Variants in ACTL8 observed in about 807,000 individuals in gnomAD.
ACTL8 encodes the protein actin like 8, also known as actin-like protein 8.
ACTL8 carries 3 observed loss-of-function variants against 9.3 expected under a neutral mutation model. That is an observed-to-expected ratio of 0.32 (90% confidence interval 0.15 to 0.83). The LOEUF (loss-of-function observed/expected upper bound fraction) is 0.83. Ranked by LOEUF, ACTL8 falls within the 40% of genes least tolerant of loss-of-function variation. The pLI, the probability that ACTL8 is intolerant of heterozygous loss-of-function variation, is 0.57. For synonymous variants in ACTL8, 224 were observed against 205.9 expected (o/e 1.09, Z -0.75); for missense variants, 381 against 492.2 (o/e 0.77, Z 2.14).
intron 1 of ACTL8, among the ~76,000 whole-genome samples, chr1:17,780,071 G>A (rs563419334): frequency 4.6e-5 from 7 of 152,124 alleles, no homozygotes; most frequent in Admixed American, 3.3e-4. Context: ...ACTGGTTGTA[G>A]TGGTGTGCAC....
chr1:17,788,708 AG>A (rs932911813), intron 1 of ACTL8, among the ~76,000 whole-genome samples: 1 of 152,214 alleles, frequency 6.6e-6, no homozygotes, highest in Non-Finnish European at 1.5e-5. Flanking sequence ...CCATAGGAAG[AG>A]GTGGGCACAG....
intron 1 of ACTL8, among the ~76,000 whole-genome samples, chr1:17,801,028 A>G (rs1557440835): frequency 1.3e-5 from 2 of 152,248 alleles, no homozygotes; most frequent in South Asian, 4.1e-4. Context: ...AAGTAAATAC[A>G]TGTTAAATTT....
At position 17,826,768 on chromosome 1, in the gene ACTL8, A is replaced by G. The variant is rs1238885819; in HGVS notation, c.*249A>G. On this transcript the variant is annotated 3_prime_UTR_variant, in exon 3 of 3. Transcript: ENST00000375406. The surrounding 1 kb of genome is among the most constrained non-coding windows in gnomAD (Gnocchi z 4.5). Reference sequence around the variant, plus strand: ...GGGGACAGTTTTTCCAGGGTGGCCTATCATTGGGGTATGAGTGGCTGACTG... The same window carrying G: ...GGGGACAGTTTTTCCAGGGTGGCCTGTCATTGGGGTATGAGTGGCTGACTG... 3 of 353,666 alleles carry G rather than the reference A, an allele frequency of 8.5e-6. No homozygotes were observed. Among genetic ancestry groups the G allele is most frequent in the African/African-American group, 6.2e-5 (3 of 48,416 alleles). The allele number at this position is 353,666 out of a possible 1,614,324, so 21.9% of individuals were successfully genotyped here. A position where few individuals can be genotyped will look rare whatever the true frequency, so the allele number is the denominator to read the frequency against.
At chr1:17,773,709 C>T (rs1175536397) in intron 1 of ACTL8, among the ~76,000 whole-genome samples, 1 of 152,186 alleles carries the variant, frequency 6.6e-6, no homozygotes, top group Non-Finnish European at 1.5e-5. Context: ...CATTCGTGAC[C>T]TTTCTGTGCC....
intron 1 of ACTL8, among the ~76,000 whole-genome samples, chr1:17,766,662 G>A (rs919630902): frequency 6.6e-6 from 1 of 152,122 alleles, no homozygotes; most frequent in African/African-American, 2.4e-5. Flanking sequence ...CTTTACAGAT[G>A]AGGAAACTGA....
At chr1:17,822,289 C>T (rs6679624) in intron 1 of ACTL8, among the ~76,000 whole-genome samples, 3,798 of 152,216 alleles carry the variant, frequency 0.025, 177 homozygotes, top group African/African-American at 0.088. Context: ...GTAAAGTGGA[C>T]GTCACCTGCC....
Position 17,802,062 on chromosome 1 carries a change from C to G in ACTL8, c.-24-20923C>G, listed in dbSNP as rs377411674. 9.9e-5 allele frequency among the ~76,000 whole-genome samples: 15 copies of G among 152,284 alleles called. No homozygotes were observed. In the South Asian group the frequency reaches 2.9e-3, roughly 29 times the overall value. On this transcript the variant is annotated intron_variant, in intron 1 of 2. Transcript: ENST00000375406. Reference sequence around the variant, plus strand: ...TCCCAATGAGGAGCATGAAGAGAAACAAGAAAATGGATGCCCTGCATTTCT... The same window carrying G: ...TCCCAATGAGGAGCATGAAGAGAAAGAAGAAAATGGATGCCCTGCATTTCT...
intron 1 of ACTL8, among the ~76,000 whole-genome samples, chr1:17,811,137 A>G (rs773847780): frequency 6.6e-6 from 1 of 152,210 alleles, no homozygotes; most frequent in Non-Finnish European, 1.5e-5. Flanking sequence ...CATCCTTGTT[A>G]GCTCTTGGTA....
chr1:17,794,610 G>C (rs548859241), intron 1 of ACTL8, among the ~76,000 whole-genome samples: 1 of 151,554 alleles, frequency 6.6e-6, no homozygotes, highest in Non-Finnish European at 1.5e-5. Context: ...GGCCTCCCTG[G>C]TCTCATCTTA....
At chr1:17,779,802 T>C (rs183137048) in intron 1 of ACTL8, among the ~76,000 whole-genome samples, 4 of 152,306 alleles carry the variant, frequency 2.6e-5, no homozygotes, top group Middle Eastern at 3.4e-3. Context: ...CTTTATAGGC[T>C]AAAATGTCTC....
At chr1:17,799,910 G>A (rs991748814) in intron 1 of ACTL8, among the ~76,000 whole-genome samples, 1 of 151,706 alleles carries the variant, frequency 6.6e-6, no homozygotes, top group African/African-American at 2.4e-5. Flanking sequence ...TCACACACAG[G>A]AGGTTCTATT....
Position 17,823,419 on chromosome 1 carries a change from C to A in ACTL8, c.348+63C>A. On this transcript the variant is annotated intron_variant, in intron 2 of 2. Transcript: ENST00000375406. This position sits in a 1 kb window ranked among gnomAD's most constrained non-coding sequence, Gnocchi z 5.3. ...GAAACAGACTGACACTATGTCTGGA[C>A]TGATTGGGCACCAGGAATTCTGCTT... 2 of 1,446,734 alleles carry A rather than the reference C, an allele frequency of 1.4e-6. No homozygotes were observed. Among genetic ancestry groups the A allele is most frequent in the Non-Finnish European group, 9.4e-7 (1 of 1,069,248 alleles). The allele number at this position is 1,446,734 out of a possible 1,614,324, so 89.6% of individuals were successfully genotyped here.
At chr1:17,798,106 T>C (rs1441356287) in intron 1 of ACTL8, among the ~76,000 whole-genome samples, 1 of 145,264 alleles carries the variant, frequency 6.9e-6, no homozygotes, top group African/African-American at 2.6e-5. Flanking sequence ...TCCTAGGATC[T>C]CAAGGAATTA....
chr1:17,756,464 G>A (rs907454485), intron 1 of ACTL8, among the ~76,000 whole-genome samples: 1 of 152,118 alleles, frequency 6.6e-6, no homozygotes, highest in Non-Finnish European at 1.5e-5. Context: ...GTGGGTTGTG[G>A]TTGCTCCTTG....
chr1:17,816,534 T>A (rs115467934), intron 1 of ACTL8, among the ~76,000 whole-genome samples: 3,104 of 152,310 alleles, frequency 0.02, 104 homozygotes, highest in African/African-American at 0.07. Context: ...AGGCTAAAAA[T>A]ATTTGAGCAT....
intron 1 of ACTL8, among the ~76,000 whole-genome samples, chr1:17,785,865 T>A (rs2066193639): frequency 6.6e-6 from 1 of 152,182 alleles, no homozygotes; most frequent in South Asian, 2.1e-4. Flanking sequence ...CAGGCAAAGC[T>A]TAGCTGGGTC....
At chr1:17,825,204 A>G (rs1343126920) in intron 2 of ACTL8, among the ~76,000 whole-genome samples, 4 of 152,184 alleles carry the variant, frequency 2.6e-5, no homozygotes, top group African/African-American at 7.2e-5. Context: ...TTTATTTAAA[A>G]GAAAAAATAA....
chr1:17,820,212 T>A (rs906005280), intron 1 of ACTL8, among the ~76,000 whole-genome samples: 3 of 152,142 alleles, frequency 2.0e-5, no homozygotes, highest in Non-Finnish European at 2.9e-5. Context: ...TTTTGGTCCT[T>A]ATAGTTTTAC....
intron 1 of ACTL8, among the ~76,000 whole-genome samples, chr1:17,787,652 G>A (rs1001703842): frequency 6.7e-6 from 1 of 149,952 alleles, no homozygotes; most frequent in Non-Finnish European, 1.5e-5. Context: ...CTATTGATGG[G>A]TATTTGTTTC....
Sources: allele counts gnomAD v4.1 joint callset (sites outside exome capture counted in the v4.1 genomes callset), GRCh38; gene constraint gnomAD v4.1.1; non-coding constraint Gnocchi (gnomAD v3.1); transcripts MANE v1.5; gene names NCBI Gene and HGNC (gene_info 2026-07-23, HGNC 2026-07-21).